The following ADAMTS12 variants were observed in gnomAD, a reference collection of about 807,000 sequenced individuals.
ADAMTS12 encodes the protein ADAM metallopeptidase with thrombospondin type 1 motif 12.
In ADAMTS12, 118 loss-of-function variants were observed where a neutral mutation model predicts 167.8. The observed-to-expected ratio is 0.70, with a 90% CI of 0.61 to 0.82. The LOEUF is 0.82. Ranked by LOEUF, ADAMTS12 falls within the 40% of genes least tolerant of loss-of-function variation. The pLI, the probability that ADAMTS12 is intolerant of heterozygous loss-of-function variation, is 0.00. For missense variants in ADAMTS12, 1,916 were observed against 1,998.8 expected, an observed-to-expected ratio of 0.96 and a Z score of 0.79; for synonymous variants, 704 against 716.9, an observed-to-expected ratio of 0.98 and a Z score of 0.29.
intron 3 of ADAMTS12, among the ~76,000 whole-genome samples, chr5:33,686,714 CAG>C (rs1351861864): frequency 1.3e-5 from 2 of 150,666 alleles, no homozygotes; most frequent in Admixed American, 6.6e-5. Flanking sequence ...CTCTTTCTCT[CAG>C]AGAGAGGAGA....
chr5:33,545,492 C>T (rs755779922), intron 22 of ADAMTS12, among the ~76,000 whole-genome samples: 40 of 152,078 alleles, frequency 2.6e-4, no homozygotes, highest in Non-Finnish European at 5.1e-4. Context: ...ACCATTTGAC[C>T]CAGCAATCCC....
chr5:33,723,991 T>G (rs1360475521), intron 3 of ADAMTS12, among the ~76,000 whole-genome samples: 2 of 152,200 alleles, frequency 1.3e-5, no homozygotes, highest in African/African-American at 2.4e-5. Context: ...TCATGGTGAT[T>G]GTGGCTCTGC....
intron 13 of ADAMTS12, among the ~76,000 whole-genome samples, chr5:33,626,393 T>G (rs376706760): frequency 7.0e-5 from 9 of 128,038 alleles, no homozygotes; most frequent in South Asian, 2.6e-4. Flanking sequence ...ATGGTAGTGG[T>G]GATGGTGGTG....
intron 1 of ADAMTS12, among the ~76,000 whole-genome samples, chr5:33,882,957 T>G (rs1349255659): frequency 4.6e-5 from 7 of 152,220 alleles, no homozygotes; most frequent in Admixed American, 2.0e-4. Context: ...GGATCTTGCT[T>G]TTACTTTGCT....
chr5:33,852,097 TAACAAC>T (rs1035373934), intron 2 of ADAMTS12, among the ~76,000 whole-genome samples: 1 of 151,896 alleles, frequency 6.6e-6, no homozygotes, highest in Non-Finnish European at 1.5e-5. Context: ...GCAAATGTGC[TAACAAC>T]AACAACAACA....
chr5:33,694,667 G>A (rs1031122011), intron 3 of ADAMTS12, among the ~76,000 whole-genome samples: 12 of 151,998 alleles, frequency 7.9e-5, no homozygotes, highest in Non-Finnish European at 1.6e-4. Flanking sequence ...AGAGAAGTCC[G>A]GGCCAATATG....
intron 18 of ADAMTS12, among the ~76,000 whole-genome samples, chr5:33,581,734 T>C (rs1027752308): frequency 6.6e-6 from 1 of 152,180 alleles, no homozygotes; most frequent in Non-Finnish European, 1.5e-5. Context: ...AAAATCCCAA[T>C]GCCCCCAATC....
intron 2 of ADAMTS12, among the ~76,000 whole-genome samples, chr5:33,796,383 G>C (rs1746776950): frequency 6.6e-6 from 1 of 152,202 alleles, no homozygotes; most frequent in African/African-American, 2.4e-5. Flanking sequence ...ACAGAACACA[G>C]TATGACACCA....
chr5:33,670,114 G>T (rs779493979), intron 5 of ADAMTS12, among the ~76,000 whole-genome samples: 21 of 150,586 alleles, frequency 1.4e-4, no homozygotes, highest in Non-Finnish European at 1.6e-4. Context: ...TTTGACGAAA[G>T]ACTTATATTT....
chr5:33,760,836 A>G (rs1158265795), intron 2 of ADAMTS12, among the ~76,000 whole-genome samples: 1 of 151,560 alleles, frequency 6.6e-6, no homozygotes, highest in East Asian at 1.9e-4. Flanking sequence ...ACAATCTTCT[A>G]TCAGAAAAGT....
At chr5:33,657,420 A>G (rs901074365) in intron 7 of ADAMTS12, among the ~76,000 whole-genome samples, 1 of 152,182 alleles carries the variant, frequency 6.6e-6, no homozygotes, top group Non-Finnish European at 1.5e-5. Context: ...TCCTATTAGT[A>G]TGATGCTCTC....
chr5:33,603,019 C>T (rs948482776), intron 16 of ADAMTS12, among the ~76,000 whole-genome samples: 1 of 152,144 alleles, frequency 6.6e-6, no homozygotes, highest in Admixed American at 6.5e-5. Context: ...AAAGGAGAAG[C>T]CCAGGGTAGG....
intron 19 of ADAMTS12, among the ~76,000 whole-genome samples, chr5:33,573,746 G>C (rs1746515553): frequency 6.6e-6 from 1 of 152,166 alleles, no homozygotes; most frequent in Non-Finnish European, 1.5e-5. Flanking sequence ...ATTGACAAAT[G>C]GGATCTCATT....
chr5:33,686,557 G>A (rs547400158), intron 3 of ADAMTS12, among the ~76,000 whole-genome samples: 3 of 152,096 alleles, frequency 2.0e-5, no homozygotes, highest in South Asian at 2.1e-4. Context: ...CTGCCCAGAC[G>A]CAGATGATGA....
At chr5:33,842,811 C>T (rs904716119) in intron 2 of ADAMTS12, among the ~76,000 whole-genome samples, 3 of 152,048 alleles carry the variant, frequency 2.0e-5, no homozygotes, top group South Asian at 4.1e-4. Flanking sequence ...CAGTGGGGTG[C>T]GAACACACAT....
Position 33,683,952 on chromosome 5 carries a change from T to A in ADAMTS12, c.738A>T (p.Arg246Ser). 1 of 1,612,804 alleles carries A rather than the reference T, an allele frequency of 6.2e-7. No homozygotes were observed. The highest frequency in any genetic ancestry group is 8.5e-7 in the Non-Finnish European group (1 of 1,179,526). ...CGGCCACCACCAGTGTCTCCACCCA[T>A]CTCTCCTTGCTGATGGAACGCCGAG... ...SLSRRSISKE[R>S]WVETLVVADT... is the part of the protein sequence containing the mutation. The change falls in exon 4 of 24, where the codon AGA becomes AGT. Residue 246 changes from arginine to serine, a missense_variant. Coordinates refer to ENST00000504830, the MANE Select transcript of ADAMTS12 (RefSeq NM_030955.4).
chr5:33,643,575 C>T (rs1740549494), intron 9 of ADAMTS12, 105 bp from the exon 10 acceptor site: 5 of 972,754 alleles, frequency 5.1e-6, no homozygotes, highest in Non-Finnish European at 8.0e-6. Context: ...ACAATAAATG[C>T]CACTGTTGTT....
At chr5:33,661,189 C>T (rs890272962) in intron 6 of ADAMTS12, among the ~76,000 whole-genome samples, 1 of 152,108 alleles carries the variant, frequency 6.6e-6, no homozygotes, top group Non-Finnish European at 1.5e-5. Flanking sequence ...TAATATAAGC[C>T]CTTCTTTCAT....
At chr5:33,618,102 A>G (rs1356755978) in intron 14 of ADAMTS12, among the ~76,000 whole-genome samples, 1 of 152,206 alleles carries the variant, frequency 6.6e-6, no homozygotes, top group East Asian at 1.9e-4. Flanking sequence ...CCACTAATAC[A>G]TATTTTTTGT....
Sources: gnomAD v4.1 joint callset for allele counts (sites outside exome capture counted in the v4.1 genomes callset) on GRCh38, gnomAD v4.1.1 for gene constraint, MANE v1.5 for transcripts, NCBI Gene and HGNC (gene_info 2026-07-23, HGNC 2026-07-21) for gene names.